The following CTNNA2 variants were observed in gnomAD, a reference collection of about 807,000 sequenced individuals.
CTNNA2 encodes catenin alpha 2, also known as catenin alpha-2.
CTNNA2 carries 42 observed loss-of-function variants against 101.0 expected under a neutral mutation model. The ratio of observed to expected loss-of-function variants is 0.42; its 90% CI spans 0.32 to 0.54. The LOEUF is 0.54. Ranked by LOEUF, CTNNA2 falls within the 20% of genes least tolerant of loss-of-function variation. The pLI, the probability that CTNNA2 is intolerant of heterozygous loss-of-function variation, is 0.14. For synonymous variants in CTNNA2, 450 were observed against 456.4 expected (o/e 0.99, Z 0.18); for missense variants, 871 against 1,223.1 (o/e 0.71, Z 4.29).
chr2:79,554,344 T>A (rs1438492270), intron 1 of CTNNA2, among the ~76,000 whole-genome samples: 1 of 152,186 alleles, frequency 6.6e-6, no homozygotes, highest in Non-Finnish European at 1.5e-5. Flanking sequence ...TAGTTTGTAT[T>A]AATTGATCAC....
chr2:79,315,098 C>T (rs2104403769), intron 3 of CTNNA2, among the ~76,000 whole-genome samples: 1 of 152,142 alleles, frequency 6.6e-6, no homozygotes. Flanking sequence ...GCTCTCCTTC[C>T]CTCTTGTTTT....
intron 7 of CTNNA2, among the ~76,000 whole-genome samples, chr2:80,347,022 C>A (rs928539493): frequency 6.6e-6 from 1 of 152,182 alleles, no homozygotes; most frequent in South Asian, 2.1e-4. Flanking sequence ...TGCTGGGATC[C>A]TGTCTTGATT....
At chr2:80,025,104 T>A (rs1458519974) in intron 7 of CTNNA2, among the ~76,000 whole-genome samples, 1 of 152,170 alleles carries the variant, frequency 6.6e-6, no homozygotes, top group Non-Finnish European at 1.5e-5. Context: ...ATCCAGCTGG[T>A]TATTTTCTTC....
chr2:80,109,521 T>A (rs1701086237), intron 7 of CTNNA2, among the ~76,000 whole-genome samples: 1 of 152,156 alleles, frequency 6.6e-6, no homozygotes, highest in African/African-American at 2.4e-5. Flanking sequence ...GGATAGCCTC[T>A]GTCATACAGA....
intron 7 of CTNNA2, among the ~76,000 whole-genome samples, chr2:80,066,794 AT>A (rs1411507841): frequency 9.2e-5 from 14 of 152,232 alleles, no homozygotes; most frequent in African/African-American, 3.4e-4. Flanking sequence ...TTCCATGTTC[AT>A]TGCAGCGTTA....
intron 11 of CTNNA2, among the ~76,000 whole-genome samples, chr2:80,547,512 A>C (rs1049960428): frequency 6.6e-6 from 1 of 152,074 alleles, no homozygotes; most frequent in East Asian, 1.9e-4. Context: ...CTTTCATTTC[A>C]GCTTCCCTTT....
At chr2:80,396,952 A>C (rs1017822778) in intron 8 of CTNNA2, among the ~76,000 whole-genome samples, 2 of 152,256 alleles carry the variant, frequency 1.3e-5, no homozygotes, top group African/African-American at 4.8e-5. Context: ...ATTTATATAT[A>C]GAATGCTTTT....
chr2:79,331,221 C>T (rs1212206785), intron 3 of CTNNA2, among the ~76,000 whole-genome samples: 1 of 152,150 alleles, frequency 6.6e-6, no homozygotes, highest in Non-Finnish European at 1.5e-5. Flanking sequence ...CCCTGCCAGT[C>T]TTCATTCCTC....
chr2:80,226,697 C>A lies in CTNNA2; in HGVS notation c.1057-166514C>A, dbSNP rs957730603. ...GGGAAGCCTTTTCGTACAGGAAGGACCTGATGGAGGTCCTGAGTGACAAAT... is the reference window on the plus strand; with the variant it reads ...GGGAAGCCTTTTCGTACAGGAAGGAACTGATGGAGGTCCTGAGTGACAAAT... On this transcript the variant is annotated intron_variant, in intron 7 of 18. Coordinates refer to ENST00000402739, the MANE Select transcript of CTNNA2 (RefSeq NM_001282597.3). Among the ~76,000 whole-genome samples the A allele has an allele frequency of 2.6e-5, 4 of 152,182 alleles. 1 individual carries two copies. The East Asian group carries it at 7.7e-4, about 29-fold the overall frequency.
intron 2 of CTNNA2, among the ~76,000 whole-genome samples, chr2:79,294,241 G>A (rs11904733): frequency 0.026 from 3,434 of 133,132 alleles, 112 homozygotes; most frequent in African/African-American, 0.082. Context: ...AAGAAGAAGA[G>A]GAGGAGGAGG....
At chr2:79,244,936 A>T (rs1674680334) in intron 2 of CTNNA2, among the ~76,000 whole-genome samples, 1 of 151,822 alleles carries the variant, frequency 6.6e-6, no homozygotes, top group Non-Finnish European at 1.5e-5. Flanking sequence ...CTTTACTAAA[A>T]ATACAAAAAT....
intron 1 of CTNNA2, among the ~76,000 whole-genome samples, chr2:79,567,877 T>C (rs1257931473): frequency 6.6e-6 from 1 of 152,028 alleles, no homozygotes; most frequent in African/African-American, 2.4e-5. Context: ...TGGTTTGAAA[T>C]TGAGGGAGAA....
intron 7 of CTNNA2, among the ~76,000 whole-genome samples, chr2:80,216,139 G>A (rs1467596079): frequency 6.6e-6 from 1 of 152,150 alleles, no homozygotes; most frequent in Non-Finnish European, 1.5e-5. Context: ...GGAGTATACC[G>A]ATTTTCCAGG....
At chr2:79,241,227 A>AT (rs1014505031) in intron 2 of CTNNA2, among the ~76,000 whole-genome samples, 2 of 152,292 alleles carry the variant, frequency 1.3e-5, no homozygotes, top group African/African-American at 4.8e-5. Context: ...AAACAAGTGC[A>AT]TTTTTTTCAC....
chr2:79,581,170 C>T (rs1398394715), intron 1 of CTNNA2, among the ~76,000 whole-genome samples: 2 of 152,136 alleles, frequency 1.3e-5, no homozygotes, highest in Non-Finnish European at 2.9e-5. Context: ...AGAGAAGGAT[C>T]AAATATATGG....
intron 2 of CTNNA2, among the ~76,000 whole-genome samples, chr2:79,230,522 C>T (rs1019075687): frequency 1.2e-4 from 19 of 152,232 alleles, no homozygotes; most frequent in African/African-American, 4.3e-4. Context: ...CAAAAGTTTG[C>T]TGCAGGGGTA....
chr2:80,211,140 C>G (rs1389408472), intron 7 of CTNNA2, among the ~76,000 whole-genome samples: 1 of 152,156 alleles, frequency 6.6e-6, no homozygotes, highest in African/African-American at 2.4e-5. Flanking sequence ...GGGTAGATTG[C>G]AAGAATTTTC....
chr2:79,454,436 A>G (rs528347993), intron 4 of CTNNA2, among the ~76,000 whole-genome samples: 3 of 152,222 alleles, frequency 2.0e-5, no homozygotes, highest in Non-Finnish European at 2.9e-5. Context: ...TTTTGTGCCA[A>G]TAATATAATA....
intron 9 of CTNNA2, among the ~76,000 whole-genome samples, chr2:80,455,682 A>G (rs1391608358): frequency 6.6e-6 from 1 of 152,182 alleles, no homozygotes; most frequent in Non-Finnish European, 1.5e-5. Context: ...TCACACCAAG[A>G]TGGTGGTGAC....
Sources: gnomAD v4.1 joint callset for allele counts (sites outside exome capture counted in the v4.1 genomes callset) on GRCh38, gnomAD v4.1.1 for gene constraint, MANE v1.5 for transcripts, NCBI Gene and HGNC (gene_info 2026-07-23, HGNC 2026-07-21) for gene names.